Variants in CARNS1 observed in about 807,000 individuals in gnomAD.
CARNS1 encodes carnosine synthase 1, also known as ATP-grasp domain containing 1.
Under a neutral mutation model 74.0 loss-of-function variants are expected in CARNS1, and 61 were observed. The ratio of observed to expected loss-of-function variants is 0.82; its 90% CI spans 0.67 to 1.02. The LOEUF is 1.02. Ranked by LOEUF, CARNS1 falls within the 50% of genes least tolerant of loss-of-function variation. The probability of loss-of-function intolerance (pLI) is 0.00; values close to 1 mark genes in which losing one functional copy is unlikely to be tolerated. For synonymous variants in CARNS1, 568 were observed against 605.5 expected, an observed-to-expected ratio of 0.94 and a Z score of 0.91; for missense variants, 1,278 against 1,308.4, an observed-to-expected ratio of 0.98 and a Z score of 0.36.
Position 67,423,978 on chromosome 11 carries a change from T to G in CARNS1, c.2230T>G (p.Leu744Val). The G allele has an allele frequency of 1.9e-6, 3 of 1,613,056 alleles. No homozygotes were observed. Among genetic ancestry groups the G allele is most frequent in the Non-Finnish European group, 2.5e-6 (3 of 1,179,780 alleles). The change falls in exon 10 of 10, where the codon TTG becomes GTG. Residue 744 changes from leucine to valine, a missense_variant. Physicochemically the swap from Leu to Val is conservative, Grantham distance 32 (BLOSUM62 1). Around this residue, in one of 3 missense-constraint regions of CARNS1, gnomAD observed 1,164 missense variants for 1,156.5 expected, o/e 1.01. Transcript: ENST00000687366. The surrounding 1 kb of genome is among the most constrained non-coding windows in gnomAD (Gnocchi z 5.1). ...DVDLVLFGGR[L>V]LAAFVSDNGP... ...GGACCTGGTGTTGTTTGGTGGGCGG[T>G]TGCTGGCTGCCTTTGTCTCCGACAA...
intron 3 of CARNS1, among the ~76,000 whole-genome samples, chr11:67,418,036 C>A (rs1027993711): frequency 1.3e-5 from 2 of 152,194 alleles, no homozygotes; most frequent in Non-Finnish European, 2.9e-5. Context: ...TGCCCCTCCA[C>A]GCCTGTTACA....
rs201680999 is a variant in CARNS1 at position 67,423,396 on chromosome 11, C to T, written c.1648C>T (p.Pro550Ser). ...GLQLHLVESDPNHFASQLVQT... is the reference protein window; with the variant it reads ...GLQLHLVESDSNHFASQLVQT... ...GCAGCTGCACCTCGTGGAGTCAGAC[C>T]CCAACCACTTTGCATCCCAGTTGGT... Residue 550 changes from proline to serine, a missense_variant, in exon 10 of 10, where the codon CCC (proline) becomes TCC (serine). By Grantham distance (74) the Pro-to-Ser change is moderately conservative. Around this residue, in one of 3 missense-constraint regions of CARNS1, gnomAD observed 1,164 missense variants for 1,156.5 expected, o/e 1.01. Coordinates refer to ENST00000687366, the MANE Select transcript of CARNS1 (RefSeq NM_001166222.2). The surrounding 1 kb of genome is among the most constrained non-coding windows in gnomAD (Gnocchi z 5.1). 240 of 1,607,456 alleles carry T rather than the reference C, an allele frequency of 1.5e-4. No individual in the cohort carries two copies. The highest frequency in any genetic ancestry group is 2.0e-4 in the Non-Finnish European group (232 of 1,175,142).
At chr11:67,422,748 A>C (rs1565138044) in intron 9 of CARNS1, among the ~76,000 whole-genome samples, 1 of 151,938 alleles carries the variant, frequency 6.6e-6, no homozygotes. Context: ...TGTGGACACC[A>C]CCTCTGTGTC....
intron 7 of CARNS1, among the ~76,000 whole-genome samples, chr11:67,420,291 G>A (rs916879911): frequency 6.6e-6 from 1 of 152,088 alleles, no homozygotes; most frequent in African/African-American, 2.4e-5. Context: ...AGCTCCAGTG[G>A]GGTAGGGAAA....
chr11:67,420,620 C>T lies in CARNS1; in HGVS notation c.1125C>T (p.Gly375=), dbSNP rs1414156189. 4.8e-6 allele frequency: 6 copies of T among 1,239,426 alleles called. No individual in the cohort carries two copies. The highest frequency in any genetic ancestry group is 2.0e-6 in the Non-Finnish European group (2 of 992,228). The allele number at this position is 1,239,426 out of a possible 1,614,324, so 76.8% of individuals were successfully genotyped here. The change falls in exon 8 of 10, where the codon GGC becomes GGT. Residue 375 remains glycine, a synonymous_variant. Coordinates refer to ENST00000687366, the MANE Select transcript of CARNS1 (RefSeq NM_001166222.2). ...DRPLLSKVVC[G]VGRGDRPLRH... ...CTCCCCCTGCCCAGGTGGTGTGCGG[C>T]GTGGGCCGCGGGGACCGCCCTCTAC... is the stretch of plus-strand genomic sequence containing the variant.
Position 67,425,064 on chromosome 11 carries a change from C to G in CARNS1, c.*463C>G. The G allele has an allele frequency of 2.2e-6, 1 of 461,780 alleles. No individual in the cohort carries two copies. The allele number at this position is 461,780 out of a possible 1,614,324, so 28.6% of individuals were successfully genotyped here. On this transcript the variant is annotated 3_prime_UTR_variant, in exon 10 of 10. Transcript: ENST00000687366. ...ACTAGAACCCTTGTCTTCCTCTTACCCAAATTCTAGGATAGCTCTGAAGCC... is the reference window on the plus strand; with the variant it reads ...ACTAGAACCCTTGTCTTCCTCTTACGCAAATTCTAGGATAGCTCTGAAGCC...
At position 67,424,408 on chromosome 11, in the gene CARNS1, A is replaced by G; in HGVS notation, c.2660A>G (p.Asp887Gly). 1 of 1,590,082 alleles carries G rather than the reference A, an allele frequency of 6.3e-7. No individual in the cohort carries two copies. Residue 887 changes from aspartate to glycine, a missense_variant, in exon 10 of 10, where the codon GAC becomes GGC. Coordinates refer to ENST00000687366, the MANE Select transcript of CARNS1 (RefSeq NM_001166222.2). ...CGTGAGACCCTGCAGGCCCTGCACG[A>G]CCGTGGACTGCTACGCCTCAATCTG... Reference protein sequence around the residue: ...ASRETLQALHDRGLLRLNLLE... With the variant: ...ASRETLQALHGRGLLRLNLLE...
chr11:67,417,747 T>C, intron 3 of CARNS1, 70 bp downstream of exon 3: 1 of 1,114,944 alleles, frequency 9.0e-7, no homozygotes, highest in Non-Finnish European at 1.1e-6. Flanking sequence ...GTCTGCTTGC[T>C]CATCCCTGTC....
At chr11:67,421,949 G>A (rs1249841876) in intron 9 of CARNS1, among the ~76,000 whole-genome samples, 1 of 151,356 alleles carries the variant, frequency 6.6e-6, no homozygotes, top group Non-Finnish European at 1.5e-5. Context: ...GTGCAGTGGC[G>A]TGATCTCGGC....
intron 2 of CARNS1, chr11:67,416,804 C>T: frequency 1.0e-6 from 1 of 986,424 alleles, no homozygotes; most frequent in Non-Finnish European, 1.2e-6. Flanking sequence ...CCAAAGAAAG[C>T]ATTTCCGTGA....
intron 3 of CARNS1, 123 bp from the exon 4 acceptor site, chr11:67,418,308 C>A: frequency 1.5e-6 from 1 of 648,658 alleles, no homozygotes. Context: ...TCCCCTGTCT[C>A]ATCCGATTCC....
At position 67,423,942 on chromosome 11, in the gene CARNS1, G is replaced by C. The variant is rs780065110; in HGVS notation, c.2194G>C (p.Glu732Gln). The change falls in exon 10 of 10, where the codon GAG becomes CAG. Residue 732 changes from glutamate (E) to glutamine (Q), a missense_variant. Coordinates refer to ENST00000687366, the MANE Select transcript of CARNS1 (RefSeq NM_001166222.2). This position sits in a 1 kb window ranked among gnomAD's most constrained non-coding sequence, Gnocchi z 5.1. ...GCTGATGGAGTTTGTGGAGGGCACCGAGCACGACGTGGACCTGGTGTTGTT... is the reference window on the plus strand; with the variant it reads ...GCTGATGGAGTTTGTGGAGGGCACCCAGCACGACGTGGACCTGGTGTTGTT... The part of the protein sequence containing the change: ...MLLMEFVEGT[E>Q]HDVDLVLFGG... The C allele has an allele frequency of 6.2e-7, 1 of 1,613,592 alleles. No individual in the cohort carries two copies. Among genetic ancestry groups the C allele is most frequent in the East Asian group, 2.2e-5 (1 of 44,886 alleles).
At chr11:67,422,734 C>A (rs138588366) in intron 9 of CARNS1, among the ~76,000 whole-genome samples, 174 of 152,320 alleles carry the variant, frequency 1.1e-3, no homozygotes, top group African/African-American at 4.0e-3. Flanking sequence ...CGTGCAGCAC[C>A]CCCTGTGGAC....
In CARNS1 at chr11:67,424,483, T is replaced by C. The variant is rs1387191284; in HGVS notation, c.2735T>C (p.Val912Ala). ...PGEYEEPYCS[V>A]ACAGPSPTEA... Reference sequence around the variant, plus strand: ...GAGTATGAGGAGCCCTACTGCAGTGTGGCCTGTGCCGGACCCAGCCCCACC... The same window carrying C: ...GAGTATGAGGAGCCCTACTGCAGTGCGGCCTGTGCCGGACCCAGCCCCACC... The change falls in exon 10 of 10, where the codon GTG (valine) becomes GCG (alanine). Residue 912 changes from valine (V) to alanine (A), a missense_variant. Physicochemically the swap from Val to Ala is moderately conservative, Grantham distance 64. Transcript: ENST00000687366. 4 of 1,587,792 alleles carry C rather than the reference T, an allele frequency of 2.5e-6. No individual in the cohort carries two copies.
In CARNS1 at chr11:67,421,148, C is replaced by T. The variant is rs529644285; in HGVS notation, c.1555C>T (p.Leu519=). 5 of 1,492,420 alleles carry T rather than the reference C, an allele frequency of 3.4e-6. No individual in the cohort carries two copies. The highest frequency in any genetic ancestry group is 4.5e-5 in the Admixed American group (2 of 44,678). The allele number at this position is 1,492,420 out of a possible 1,614,324, so 92.4% of individuals were successfully genotyped here. A position where few individuals can be genotyped will look rare whatever the true frequency, so the allele number is the denominator to read the frequency against. Residue 519 remains leucine, a synonymous_variant, in exon 9 of 10, where the codon CTG becomes TTG. Transcript: ENST00000687366. ...GCGCTGCCTCATGGAGGGAAAACAG[C>T]TGCTGGTGGTCGGCGCTGGCGGCGT... ...SARCLMEGKQ[L]LVVGAGGVSK... is the part of the protein sequence containing the mutation.
In CARNS1 at chr11:67,421,161, G is replaced by A. The variant is rs1554987904; in HGVS notation, c.1568G>A (p.Gly523Asp). ...LMEGKQLLVV[G>D]AGGVSKKFVW... is the part of the protein sequence containing the mutation. ...GAGGGAAAACAGCTGCTGGTGGTCG[G>A]CGCTGGCGGCGTCAGCAAGAAGTTC... Residue 523 changes from glycine to aspartate, a missense_variant, in exon 9 of 10, where the codon GGC becomes GAC. This residue lies in a region of CARNS1 where 1,164 missense variants were observed against 1,156.5 expected (regional missense o/e 1.01). Coordinates refer to ENST00000687366, the MANE Select transcript of CARNS1 (RefSeq NM_001166222.2). The A allele has an allele frequency of 1.3e-6, 2 of 1,496,408 alleles. No homozygotes were observed. The highest frequency in any genetic ancestry group is 2.2e-5 in the Admixed American group (1 of 45,594). The allele number at this position is 1,496,408 out of a possible 1,614,324, so 92.7% of individuals were successfully genotyped here. A position where few individuals can be genotyped will look rare whatever the true frequency, so the allele number is the denominator to read the frequency against.
At position 67,420,757 on chromosome 11, in the gene CARNS1, C is replaced by T; in HGVS notation, c.1262C>T (p.Ala421Val). The T allele has an allele frequency of 8.0e-7, 1 of 1,242,968 alleles. No individual in the cohort carries two copies. 77.0% of individuals were successfully genotyped at this position (1,242,968 alleles called of 1,614,324 possible). Residue 421 changes from alanine (A) to valine (V), a missense_variant, in exon 8 of 10, where the codon GCC becomes GTC. Physicochemically the swap from Ala to Val is moderately conservative, Grantham distance 64 (BLOSUM62 0). This residue lies in a region of CARNS1 where 1,164 missense variants were observed against 1,156.5 expected (regional missense o/e 1.01). Coordinates refer to ENST00000687366, the MANE Select transcript of CARNS1 (RefSeq NM_001166222.2). ...CAGCGCGTCAAGGCGGCGGCCGAGGCCGCGCTGGCCGCCGTGCTGGCTCTG... is the reference window on the plus strand; with the variant it reads ...CAGCGCGTCAAGGCGGCGGCCGAGGTCGCGCTGGCCGCCGTGCTGGCTCTG... The part of the protein sequence containing the change: ...VRQRVKAAAE[A>V]ALAAVLALEA...
At position 67,417,742 on chromosome 11, in the gene CARNS1, C is replaced by T. The variant is rs1863583716; in HGVS notation, c.274+65C>T. The T allele has an allele frequency of 5.3e-6, 6 of 1,137,592 alleles. No individual in the cohort carries two copies. In the East Asian group the frequency reaches 1.9e-4, roughly 36 times the overall value. The allele number at this position is 1,137,592 out of a possible 1,614,324, so 70.5% of individuals were successfully genotyped here. On this transcript the variant is annotated intron_variant, in intron 3 of 9. Coordinates refer to ENST00000687366, the MANE Select transcript of CARNS1 (RefSeq NM_001166222.2). ...AGGGAGGGGCCCTCAGCCCAGTCTG[C>T]TTGCTCATCCCTGTCAAGGTCGGCC...
rs933600943 is a variant in CARNS1, at chr11:67,415,752, T to TGCCGCC, written c.-32_-27dup. ...CCGCCCGCCACGCCCGCCGAGCCGC[T>TGCCGCC]GCCGCCGCCAGGTACCCCAGCTCCG... On this transcript the variant is annotated 5_prime_UTR_variant, in exon 1 of 10. Coordinates refer to ENST00000687366, the MANE Select transcript of CARNS1 (RefSeq NM_001166222.2). 4 of 154,042 alleles carry TGCCGCC rather than the reference T, an allele frequency of 2.6e-5. No homozygotes were observed. The highest frequency in any genetic ancestry group is 7.2e-5 in the African/African-American group (3 of 41,394). The allele number at this position is 154,042 out of a possible 1,614,324, so 9.5% of individuals were successfully genotyped here. A position where few individuals can be genotyped will look rare whatever the true frequency, so the allele number is the denominator to read the frequency against.
Sources: allele counts gnomAD v4.1 joint callset (sites outside exome capture counted in the v4.1 genomes callset), GRCh38; gene constraint gnomAD v4.1.1; regional missense constraint gnomAD v4.1.1; non-coding constraint Gnocchi (gnomAD v3.1); transcripts MANE v1.5; gene names NCBI Gene and HGNC (gene_info 2026-07-23, HGNC 2026-07-21).